The following LRRC4C variants were observed in gnomAD, a reference collection of about 807,000 sequenced individuals.
LRRC4C encodes the protein leucine rich repeat containing 4C.
In LRRC4C, 5 loss-of-function variants were observed where a neutral mutation model predicts 33.6. The ratio of observed to expected loss-of-function variants is 0.15; its 90% confidence interval spans 0.08 to 0.31. The LOEUF is 0.31. LRRC4C is among the 10% of genes least tolerant of loss of function. LRRC4C has a pLI of 1.00. For synonymous variants in LRRC4C, 329 were observed against 302.0 expected (o/e 1.09, Z -0.93); for missense variants, 560 against 796.7 (o/e 0.70, Z 3.58).
At chr11:41,265,592 G>C (rs1343286488) in intron 1 of LRRC4C, among the ~76,000 whole-genome samples, 2 of 151,898 alleles carry the variant, frequency 1.3e-5, no homozygotes, top group Admixed American at 1.3e-4. Context: ...AGAAAGAAGG[G>C]AAGAATCAGA....
At chr11:41,401,489 C>T (rs952003971) in intron 1 of LRRC4C, among the ~76,000 whole-genome samples, 1 of 151,828 alleles carries the variant, frequency 6.6e-6, no homozygotes, top group East Asian at 1.9e-4. Flanking sequence ...GGTCCTGGCT[C>T]TCATAGTGTC....
At chr11:40,772,999 C>T (rs1035387987) in intron 2 of LRRC4C, among the ~76,000 whole-genome samples, 4 of 152,154 alleles carry the variant, frequency 2.6e-5, no homozygotes, top group African/African-American at 9.7e-5. Flanking sequence ...CACATATACA[C>T]AATGGAGTAC....
chr11:40,895,764 A>T (rs1450545530), intron 2 of LRRC4C, among the ~76,000 whole-genome samples: 1 of 152,210 alleles, frequency 6.6e-6, no homozygotes, highest in African/African-American at 2.4e-5. Context: ...AATTGCCTTT[A>T]TAACTTAAAA....
intron 1 of LRRC4C, among the ~76,000 whole-genome samples, chr11:41,280,995 T>C (rs1013190005): frequency 8.6e-5 from 13 of 151,870 alleles, no homozygotes; most frequent in Admixed American, 7.9e-4. Flanking sequence ...ATTAGCCTAG[T>C]ATTTTTTTCC....
At chr11:40,653,867 A>G (rs2101820) in intron 2 of LRRC4C, among the ~76,000 whole-genome samples, 57,480 of 152,110 alleles carry the variant, frequency 0.38, 11,947 homozygotes, top group East Asian at 0.61. Context: ...TTCATGGGCC[A>G]GGGCCCAGGA....
chr11:40,819,570 A>G (rs1178130169), intron 2 of LRRC4C, among the ~76,000 whole-genome samples: 1 of 152,146 alleles, frequency 6.6e-6, no homozygotes, highest in Non-Finnish European at 1.5e-5. Context: ...TGGTTGGGGA[A>G]AATATATTCC....
intron 2 of LRRC4C, among the ~76,000 whole-genome samples, chr11:40,842,462 T>A (rs1195390926): frequency 6.6e-6 from 1 of 152,190 alleles, no homozygotes; most frequent in African/African-American, 2.4e-5. Context: ...TACATGTTTT[T>A]AAATGTGTAT....
At chr11:40,435,042 C>T (rs757957073) in intron 3 of LRRC4C, among the ~76,000 whole-genome samples, 3 of 152,170 alleles carry the variant, frequency 2.0e-5, no homozygotes, top group Non-Finnish European at 4.4e-5. Flanking sequence ...TACCACCTTG[C>T]CTGCCAGATA....
intron 1 of LRRC4C, among the ~76,000 whole-genome samples, chr11:40,948,212 C>G (rs1224302893): frequency 6.6e-6 from 1 of 152,058 alleles, no homozygotes; most frequent in African/African-American, 2.4e-5. Flanking sequence ...ATATTTCAAG[C>G]TTCATATTTT....
intron 1 of LRRC4C, among the ~76,000 whole-genome samples, chr11:41,260,467 G>T (rs1424898437): frequency 2.0e-5 from 3 of 152,010 alleles, no homozygotes; most frequent in East Asian, 3.9e-4. Flanking sequence ...GAGATTGACT[G>T]CAGTTGCATA....
intron 1 of LRRC4C, among the ~76,000 whole-genome samples, chr11:41,394,131 T>A (rs904565310): frequency 6.6e-6 from 1 of 151,912 alleles, no homozygotes; most frequent in African/African-American, 2.4e-5. Flanking sequence ...ACTGTGGAGG[T>A]TTGATGTCAA....
chr11:41,275,430 G>T (rs1332598313), intron 1 of LRRC4C, among the ~76,000 whole-genome samples: 3 of 152,150 alleles, frequency 2.0e-5, no homozygotes, highest in African/African-American at 7.2e-5. Context: ...AGATTATTCA[G>T]TAAATGATTT....
At chr11:40,905,549 C>T (rs947838257) in intron 2 of LRRC4C, among the ~76,000 whole-genome samples, 5 of 152,202 alleles carry the variant, frequency 3.3e-5, no homozygotes, top group African/African-American at 1.2e-4. Flanking sequence ...GCAGAAACTA[C>T]ACGTTCCATA....
At chr11:40,936,574 G>A (rs772639354) in intron 1 of LRRC4C, among the ~76,000 whole-genome samples, 2 of 151,808 alleles carry the variant, frequency 1.3e-5, no homozygotes, top group Non-Finnish European at 2.9e-5. Flanking sequence ...CTGACCTCAT[G>A]ATCCACCCGC....
intron 1 of LRRC4C, among the ~76,000 whole-genome samples, chr11:41,285,949 C>T (rs1394532555): frequency 6.6e-6 from 1 of 152,154 alleles, no homozygotes; most frequent in African/African-American, 2.4e-5. Context: ...TCTGCCTCAG[C>T]CTCCCGAGTA....
intron 5 of LRRC4C, among the ~76,000 whole-genome samples, chr11:40,193,670 G>A (rs7926011): frequency 0.42 from 64,128 of 151,850 alleles, 14,001 homozygotes; most frequent in South Asian, 0.62. Flanking sequence ...AGCTAAAGGA[G>A]CATGTTCTAA....
At chr11:40,854,969 G>T (rs1250831720) in intron 2 of LRRC4C, among the ~76,000 whole-genome samples, 4 of 152,042 alleles carry the variant, frequency 2.6e-5, no homozygotes, top group African/African-American at 4.8e-5. Context: ...TTTAGAAAAA[G>T]ATTTTTCCCC....
chr11:41,247,858 G>A (rs773898860), intron 1 of LRRC4C, among the ~76,000 whole-genome samples: 6 of 152,170 alleles, frequency 3.9e-5, no homozygotes, highest in East Asian at 1.9e-4. Context: ...GAAGTTCCAC[G>A]CTGGCCCATT....
chr11:40,778,211 T>G (rs1015407700), intron 2 of LRRC4C, among the ~76,000 whole-genome samples: 8 of 152,224 alleles, frequency 5.3e-5, no homozygotes, highest in Admixed American at 4.6e-4. Context: ...ATTCCCATGT[T>G]TAGAACTCCC....
Sources: allele counts gnomAD v4.1 joint callset (sites outside exome capture counted in the v4.1 genomes callset), GRCh38; gene constraint gnomAD v4.1.1; transcripts MANE v1.5; gene names NCBI Gene and HGNC (gene_info 2026-07-23, HGNC 2026-07-21).